AHI1: variants seen among roughly 807,000 people sequenced by gnomAD.
The protein encoded by AHI1 is Abelson helper integration site 1, also known as jouberin.
AHI1 carries 123 observed loss-of-function variants against 149.3 expected under a neutral mutation model. That is an observed-to-expected ratio of 0.82 (90% confidence interval 0.71 to 0.96). The LOEUF is 0.96. AHI1 is among the 40% of genes least tolerant of loss of function. The probability of loss-of-function intolerance (pLI) is 0.00; values close to 1 mark genes in which losing one functional copy is unlikely to be tolerated. For missense variants in AHI1, 1,439 were observed against 1,422.7 expected, an observed-to-expected ratio of 1.01 and a Z score of -0.18; for synonymous variants, 475 against 459.8, an observed-to-expected ratio of 1.03 and a Z score of -0.42.
At chr6:135,298,297 A>C (rs967875683) in intron 27 of AHI1, among the ~76,000 whole-genome samples, 2 of 151,280 alleles carry the variant, frequency 1.3e-5, no homozygotes, top group African/African-American at 4.9e-5. Context: ...ATGTGTATAA[A>C]TTGCTTGCAT....
chr6:135,294,541 C>CA (rs1454040325), intron 27 of AHI1, among the ~76,000 whole-genome samples: 4 of 149,826 alleles, frequency 2.7e-5, no homozygotes, highest in Non-Finnish European at 3.0e-5. Flanking sequence ...ACCCTCCCCC[C>CA]AAAAAAAACC....
At chr6:135,311,966 C>T (rs928188380) in intron 26 of AHI1, among the ~76,000 whole-genome samples, 6 of 152,144 alleles carry the variant, frequency 3.9e-5, no homozygotes, top group Non-Finnish European at 7.3e-5. Flanking sequence ...TTTCAATGAA[C>T]CAGATGAAAT....
intron 16 of AHI1, among the ~76,000 whole-genome samples, chr6:135,432,600 C>T (rs1175217125): frequency 6.6e-6 from 1 of 152,124 alleles, no homozygotes; most frequent in African/African-American, 2.4e-5. Flanking sequence ...GATCAACCCA[C>T]CTCAGCCTCC....
intron 23 of AHI1, among the ~76,000 whole-genome samples, chr6:135,367,192 A>G (rs1774313443): frequency 6.6e-6 from 1 of 152,130 alleles, no homozygotes; most frequent in Admixed American, 6.5e-5. Context: ...TAGGACCCCA[A>G]TCCCTTCTAG....
At chr6:135,326,471 T>C (rs929713296) in intron 24 of AHI1, among the ~76,000 whole-genome samples, 2 of 152,130 alleles carry the variant, frequency 1.3e-5, no homozygotes, top group African/African-American at 4.8e-5. Context: ...GGGGTACAAG[T>C]GGTTTCTGGT....
At chr6:135,340,448 A>G (rs1790121818) in intron 24 of AHI1, among the ~76,000 whole-genome samples, 1 of 151,724 alleles carries the variant, frequency 6.6e-6, no homozygotes, top group African/African-American at 2.4e-5. Flanking sequence ...GAAAAAATAA[A>G]TTAAAAAAAG....
intron 13 of AHI1, among the ~76,000 whole-genome samples, chr6:135,443,686 C>T (rs928056518): frequency 1.3e-5 from 2 of 152,240 alleles, no homozygotes; most frequent in Admixed American, 1.3e-4. Context: ...CTAGCAGTTC[C>T]TCTGGAGACA....
intron 8 of AHI1, among the ~76,000 whole-genome samples, chr6:135,459,367 C>T (rs1324681602): frequency 6.6e-6 from 1 of 152,008 alleles, no homozygotes; most frequent in Non-Finnish European, 1.5e-5. Context: ...TAAAGTAGTA[C>T]TTAAATGGGA....
chr6:135,311,078 G>A (rs1424541888), intron 26 of AHI1, among the ~76,000 whole-genome samples: 2 of 152,030 alleles, frequency 1.3e-5, no homozygotes, highest in African/African-American at 4.8e-5. Context: ...GAGGCGCGCA[G>A]ATCACTTGAG....
chr6:135,323,254 C>T lies in AHI1; in HGVS notation c.3236G>A (p.Arg1079Gln), dbSNP rs371242173. Residue 1079 changes from arginine (R) to glutamine (Q), a missense_variant, in exon 25 of 29, where the codon CGA becomes CAA. Transcript: ENST00000265602. ...GTCTTCATTATCTTTGAAAAACACTCGGATAATGTCTCCGCGATGGATGGT... is the reference window on the plus strand; with the variant it reads ...GTCTTCATTATCTTTGAAAAACACTTGGATAATGTCTCCGCGATGGATGGT... ...ELTIHRGDII[R>Q]VFFKDNEDWW... 3.7e-5 allele frequency: 59 copies of T among 1,613,722 alleles called. No homozygotes were observed. The highest frequency in any genetic ancestry group is 4.5e-5 in the Non-Finnish European group (53 of 1,179,836).
chr6:135,453,296 T>C, intron 11 of AHI1, 45 bp downstream of exon 11: 1 of 1,438,688 alleles, frequency 7.0e-7, no homozygotes, highest in Non-Finnish European at 9.6e-7. Flanking sequence ...GCCAACTAAA[T>C]TTGAAGACTA....
intron 24 of AHI1, among the ~76,000 whole-genome samples, chr6:135,340,658 C>CATACATATAT (rs1491200436): frequency 2.6e-5 from 1 of 38,064 alleles, no homozygotes; most frequent in Non-Finnish European, 4.3e-5. Flanking sequence ...TACATACATA[C>CATACATATAT]ATATATATAT....
intron 8 of AHI1, among the ~76,000 whole-genome samples, chr6:135,457,924 G>A (rs953948075): frequency 1.3e-5 from 2 of 151,924 alleles, no homozygotes; most frequent in Non-Finnish European, 2.9e-5. Flanking sequence ...AAAAATCCTT[G>A]TTTATATTTT....
chr6:135,386,718 C>T (rs1777646766), intron 23 of AHI1, among the ~76,000 whole-genome samples: 1 of 152,086 alleles, frequency 6.6e-6, no homozygotes, highest in Non-Finnish European at 1.5e-5. Context: ...GCAACTTCCG[C>T]CTCCCAGGTT....
intron 5 of AHI1, among the ~76,000 whole-genome samples, chr6:135,480,209 CACTTTGGG>C (rs1380639930): frequency 1.3e-5 from 2 of 152,176 alleles, no homozygotes; most frequent in Non-Finnish European, 2.9e-5. Flanking sequence ...CCTGTAATTG[CACTTTGGG>C]AACACAAGGC....
At chr6:135,418,380 T>C (rs1342574545) in intron 20 of AHI1, among the ~76,000 whole-genome samples, 2 of 152,140 alleles carry the variant, frequency 1.3e-5, no homozygotes, top group Non-Finnish European at 2.9e-5. Context: ...TAATAGGCTA[T>C]CATTTGGGAT....
chr6:135,497,620 C>G lies in AHI1; in HGVS notation c.-239G>C, dbSNP rs1346938586. The G allele has an allele frequency of 6.4e-6, 1 of 155,194 alleles. No homozygotes were observed. The highest frequency in any genetic ancestry group is 2.4e-5 in the African/African-American group (1 of 41,478). 9.6% of individuals were successfully genotyped at this position (155,194 alleles called of 1,614,324 possible). A position where few individuals can be genotyped will look rare whatever the true frequency, so the allele number is the denominator to read the frequency against. On this transcript the variant is annotated 5_prime_UTR_variant, in exon 1 of 29. Transcript: ENST00000265602. ...GCAGAACCGCCCGTCCCGCCGGAGCCGACACCCGGAGCAGTGCAAATCAAC... is the reference window on the plus strand; with the variant it reads ...GCAGAACCGCCCGTCCCGCCGGAGCGGACACCCGGAGCAGTGCAAATCAAC...
intron 26 of AHI1, among the ~76,000 whole-genome samples, chr6:135,309,256 G>C (rs751740654): frequency 2.0e-5 from 3 of 152,114 alleles, no homozygotes; most frequent in Non-Finnish European, 2.9e-5. Flanking sequence ...ACTCACACAG[G>C]CTTTGCTGTT....
intron 13 of AHI1, among the ~76,000 whole-genome samples, chr6:135,446,501 T>A (rs1011967610): frequency 6.6e-6 from 1 of 152,196 alleles, no homozygotes. Flanking sequence ...AGTATTTAGA[T>A]GTGGGGGTCT....
Sources: gnomAD v4.1 joint callset for allele counts (sites outside exome capture counted in the v4.1 genomes callset) on GRCh38, gnomAD v4.1.1 for gene constraint, MANE v1.5 for transcripts, NCBI Gene and HGNC (gene_info 2026-07-23, HGNC 2026-07-21) for gene names.